XKR4: variants seen among roughly 807,000 people sequenced by gnomAD.
XKR4 encodes the protein XK-related protein 4.
XKR4 carries 12 observed loss-of-function variants against 53.9 expected under a neutral mutation model. The observed-to-expected ratio is 0.22, with a 90% CI of 0.14 to 0.36. XKR4 has a LOEUF of 0.36. XKR4 is among the 10% of genes least tolerant of loss of function. The pLI, the probability that XKR4 is intolerant of heterozygous loss-of-function variation, is 1.00. For synonymous variants in XKR4, 354 were observed against 362.4 expected (o/e 0.98, Z 0.26); for missense variants, 799 against 859.5 (o/e 0.93, Z 0.88).
At chr8:55,400,723 A>G (rs1804586944) in intron 2 of XKR4, among the ~76,000 whole-genome samples, 1 of 152,196 alleles carries the variant, frequency 6.6e-6, no homozygotes, top group African/African-American at 2.4e-5. Context: ...GAAGTCAGCA[A>G]TGGGCTGCTG....
At chr8:55,430,895 C>T (rs775619212) in intron 2 of XKR4, among the ~76,000 whole-genome samples, 20 of 152,216 alleles carry the variant, frequency 1.3e-4, no homozygotes, top group Non-Finnish European at 2.6e-4. Context: ...AAGCCTCAGG[C>T]TTCAAATAGA....
intron 2 of XKR4, among the ~76,000 whole-genome samples, chr8:55,401,301 T>C (rs190383028): frequency 6.6e-6 from 1 of 152,304 alleles, no homozygotes; most frequent in African/African-American, 2.4e-5. Flanking sequence ...CCATCTGGTA[T>C]CCCAGAGCAC....
chr8:55,385,509 C>T (rs2622549), intron 2 of XKR4, among the ~76,000 whole-genome samples: 69,395 of 152,084 alleles, frequency 0.46, 18,090 homozygotes, highest in Non-Finnish European at 0.58. Flanking sequence ...TTATCTTCAG[C>T]TGTATCTATA....
intron 1 of XKR4, among the ~76,000 whole-genome samples, chr8:55,132,110 T>C (rs1816564113): frequency 6.6e-6 from 1 of 152,212 alleles, no homozygotes; most frequent in African/African-American, 2.4e-5. Flanking sequence ...TTTGGGAACA[T>C]GGCCTGACAA....
chr8:55,248,998 T>C (rs1818329638), intron 1 of XKR4, among the ~76,000 whole-genome samples: 1 of 152,194 alleles, frequency 6.6e-6, no homozygotes, highest in Non-Finnish European at 1.5e-5. Flanking sequence ...AATTTCTCTC[T>C]CTTTCTCTCT....
chr8:55,239,289 A>G (rs1236750509), intron 1 of XKR4, among the ~76,000 whole-genome samples: 1 of 152,232 alleles, frequency 6.6e-6, no homozygotes, highest in Admixed American at 6.5e-5. Flanking sequence ...TTGTTTGGTC[A>G]CGGGTGATAG....
chr8:55,376,932 A>C (rs896751261), intron 2 of XKR4, among the ~76,000 whole-genome samples: 3 of 139,690 alleles, frequency 2.1e-5, no homozygotes, highest in African/African-American at 8.5e-5. Flanking sequence ...ACCCCTCTCC[A>C]TACACACACA....
At chr8:55,224,971 A>T (rs898195407) in intron 1 of XKR4, among the ~76,000 whole-genome samples, 1 of 152,234 alleles carries the variant, frequency 6.6e-6, no homozygotes, top group Non-Finnish European at 1.5e-5. Flanking sequence ...AATGAACGAT[A>T]CATATGTTGA....
intron 2 of XKR4, among the ~76,000 whole-genome samples, chr8:55,498,122 ATG>A (rs980167617): frequency 3.3e-5 from 5 of 152,274 alleles, no homozygotes; most frequent in African/African-American, 1.2e-4. Context: ...ATATCTCTGA[ATG>A]TGTGTTTGCT....
At chr8:55,185,010 A>G (rs889186080) in intron 1 of XKR4, among the ~76,000 whole-genome samples, 4 of 152,242 alleles carry the variant, frequency 2.6e-5, no homozygotes, top group African/African-American at 9.6e-5. Flanking sequence ...GTCTAACCTT[A>G]TACCATTTGA....
At position 55,389,099 on chromosome 8, in the gene XKR4, G is replaced by A. The variant is rs559386076; in HGVS notation, c.1006+31222G>A. ...CATGCACACACAGGGAGAGAGACAC[G>A]TGAAGACTGTTGTCTCGCTGCCACC... On this transcript the variant is annotated intron_variant, in intron 2 of 2. Coordinates refer to ENST00000327381, the MANE Select transcript of XKR4 (RefSeq NM_052898.2). Among the ~76,000 whole-genome samples the A allele has an allele frequency of 2.6e-5, 4 of 152,326 alleles. No homozygotes were observed. The South Asian group carries it at 6.2e-4, about 24-fold the overall frequency.
At chr8:55,249,321 G>A (rs907800287) in intron 1 of XKR4, among the ~76,000 whole-genome samples, 4 of 152,186 alleles carry the variant, frequency 2.6e-5, no homozygotes, top group Admixed American at 6.5e-5. Flanking sequence ...TGGGGTTTAT[G>A]TCTTCTCTTT....
intron 1 of XKR4, among the ~76,000 whole-genome samples, chr8:55,127,690 T>C (rs1283754387): frequency 1.0e-5 from 1 of 98,420 alleles, no homozygotes; most frequent in African/African-American, 3.1e-5. Context: ...CATGAACTCG[T>C]CATTTAGCTT....
At position 55,404,896 on chromosome 8, in the gene XKR4, G is replaced by A. The variant is rs576322710; in HGVS notation, c.1006+47019G>A. ...ACTTCGCTCGCTGGGTTTATTAATG[G>A]TAACTCCTGCCTGACAAAGCGACAA... On this transcript the variant is annotated intron_variant, in intron 2 of 2. Coordinates refer to ENST00000327381, the MANE Select transcript of XKR4 (RefSeq NM_052898.2). Among the ~76,000 whole-genome samples the A allele has an allele frequency of 2.0e-5, 3 of 152,268 alleles. No individual in the cohort carries two copies. The South Asian group carries it at 6.2e-4, about 32-fold the overall frequency.
intron 1 of XKR4, among the ~76,000 whole-genome samples, chr8:55,141,927 G>A (rs1563466953): frequency 1.3e-5 from 2 of 152,202 alleles, no homozygotes; most frequent in East Asian, 3.9e-4. Flanking sequence ...CCAAGTGGGA[G>A]CCACACGCCT....
chr8:55,191,697 T>G (rs1171827321), intron 1 of XKR4, among the ~76,000 whole-genome samples: 1 of 151,882 alleles, frequency 6.6e-6, no homozygotes, highest in African/African-American at 2.4e-5. Context: ...TTTTTTTTTT[T>G]TTGGGAGTTT....
chr8:55,365,317 A>G (rs1035015652), intron 2 of XKR4, among the ~76,000 whole-genome samples: 1 of 152,208 alleles, frequency 6.6e-6, no homozygotes, highest in Non-Finnish European at 1.5e-5. Flanking sequence ...TTGTTGTAGT[A>G]TGGCAGATCA....
intron 2 of XKR4, chr8:55,449,756 G>A (rs1805402396): frequency 9.5e-7 from 1 of 1,048,578 alleles, no homozygotes; most frequent in South Asian, 1.3e-5. Context: ...CTGGTGCTTG[G>A]TCTTGTCTAA....
intron 1 of XKR4, among the ~76,000 whole-genome samples, chr8:55,215,213 G>T (rs1817783768): frequency 6.6e-6 from 1 of 152,210 alleles, no homozygotes; most frequent in African/African-American, 2.4e-5. Flanking sequence ...GAACCCTGTA[G>T]GGCTTACTAC....
Sources: gnomAD v4.1 joint callset for allele counts (sites outside exome capture counted in the v4.1 genomes callset) on GRCh38, gnomAD v4.1.1 for gene constraint, MANE v1.5 for transcripts, NCBI Gene and HGNC (gene_info 2026-07-23, HGNC 2026-07-21) for gene names.